Variants in DYM observed in about 807,000 individuals in gnomAD.
DYM encodes the protein dymeclin.
A neutral mutation model predicts 93.1 loss-of-function variants in DYM; 78 were observed. That is an observed-to-expected ratio of 0.84 (90% confidence interval 0.70 to 1.01). DYM has a LOEUF of 1.01. Among genes scored for constraint, DYM ranks in the 50% least tolerant of loss-of-function variants. The probability of loss-of-function intolerance (pLI) is 0.00; values close to 1 mark genes in which losing one functional copy is unlikely to be tolerated. For synonymous variants in DYM, 321 were observed against 319.7 expected, an observed-to-expected ratio of 1.00 and a Z score of -0.04; for missense variants, 789 against 845.0, an observed-to-expected ratio of 0.93 and a Z score of 0.82.
intron 8 of DYM, among the ~76,000 whole-genome samples, chr18:49,305,144 C>T (rs2061199740): frequency 6.6e-6 from 1 of 152,136 alleles, no homozygotes; most frequent in Admixed American, 6.6e-5. Context: ...AACTAGGATT[C>T]TGAAGTTCAG....
intron 14 of DYM, among the ~76,000 whole-genome samples, chr18:49,188,249 T>C (rs74963026): frequency 0.029 from 4,452 of 152,280 alleles, 212 homozygotes; most frequent in African/African-American, 0.1. Flanking sequence ...CTGACTTGGT[T>C]TCATTTAAAG....
intron 14 of DYM, among the ~76,000 whole-genome samples, chr18:49,190,932 A>G (rs904563147): frequency 2.0e-5 from 3 of 152,220 alleles, no homozygotes; most frequent in Non-Finnish European, 4.4e-5. Flanking sequence ...ATAAAACATA[A>G]AACATACAAA....
intron 13 of DYM, among the ~76,000 whole-genome samples, chr18:49,235,494 C>G (rs965064553): frequency 1.3e-5 from 2 of 152,002 alleles, no homozygotes; most frequent in African/African-American, 2.4e-5. Flanking sequence ...ATAAGTTAAA[C>G]AGACTTTAAT....
intron 15 of DYM, among the ~76,000 whole-genome samples, chr18:49,133,345 C>T (rs922713103): frequency 6.6e-6 from 1 of 152,168 alleles, no homozygotes; most frequent in Non-Finnish European, 1.5e-5. Context: ...TTTTCATCAT[C>T]CCTGAATTTG....
chr18:49,453,407 CTT>C (rs919613006), intron 1 of DYM, among the ~76,000 whole-genome samples: 1 of 152,198 alleles, frequency 6.6e-6, no homozygotes, highest in African/African-American at 2.4e-5. Context: ...GCTGCTCACT[CTT>C]TGGGTCCACA....
intron 15 of DYM, among the ~76,000 whole-genome samples, chr18:49,129,833 C>T (rs1485261452): frequency 3.3e-5 from 5 of 152,046 alleles, no homozygotes; most frequent in African/African-American, 4.8e-5. Flanking sequence ...GGCAGCAAAC[C>T]CTCTTGGCCT....
chr18:49,440,894 TA>T lies in DYM; in HGVS notation c.-53-10448del, dbSNP rs1400446070. Among the ~76,000 whole-genome samples the T allele has an allele frequency of 3.2e-3, 74 of 22,826 alleles. 21 individuals carry two copies. The highest frequency in any genetic ancestry group is 0.083 in the Middle Eastern group (1 of 12). The allele number at this position is 22,826 out of a possible 152,430, so 15.0% of individuals were successfully genotyped here. A position where few individuals can be genotyped will look rare whatever the true frequency, so the allele number is the denominator to read the frequency against. On this transcript the variant is annotated intron_variant, in intron 1 of 17. Coordinates refer to ENST00000675505, the MANE Select transcript of DYM (RefSeq NM_001353214.3). ...TATAATATATATTATATATATAATA[TA>T]TTTATATAAATATATTATATTTTAT...
chr18:49,441,247 T>TGG (rs2081526869), intron 1 of DYM, among the ~76,000 whole-genome samples: 1 of 43,402 alleles, frequency 2.3e-5, no homozygotes. Flanking sequence ...ATATACATAA[T>TGG]ATTGTTATAT....
intron 14 of DYM, among the ~76,000 whole-genome samples, chr18:49,198,275 A>G (rs367649805): frequency 6.6e-6 from 1 of 152,140 alleles, no homozygotes; most frequent in African/African-American, 2.4e-5. Context: ...AACCATAAAA[A>G]CCCTAGAAGA....
intron 5 of DYM, among the ~76,000 whole-genome samples, chr18:49,365,558 GGTAT>G (rs372007007): frequency 2.0e-5 from 3 of 152,118 alleles, no homozygotes; most frequent in African/African-American, 7.2e-5. Context: ...TTGATTTGTT[GGTAT>G]GTAATATATA....
intron 14 of DYM, among the ~76,000 whole-genome samples, chr18:49,174,204 C>G (rs570412904): frequency 1.1e-4 from 15 of 141,976 alleles, no homozygotes; most frequent in African/African-American, 3.9e-4. Context: ...TAGGATGGGT[C>G]CCAATGGTAT....
intron 17 of DYM, among the ~76,000 whole-genome samples, chr18:49,086,512 T>C (rs1030314342): frequency 2.0e-4 from 31 of 152,124 alleles, no homozygotes; most frequent in African/African-American, 7.5e-4. Flanking sequence ...TCAACATACG[T>C]TTGGAGGGGA....
chr18:49,320,026 A>T (rs543039796), intron 8 of DYM, among the ~76,000 whole-genome samples: 2 of 152,314 alleles, frequency 1.3e-5, no homozygotes, highest in East Asian at 3.9e-4. Flanking sequence ...ATAATCCTAT[A>T]AAGCATCATC....
intron 17 of DYM, among the ~76,000 whole-genome samples, chr18:49,094,240 A>G (rs2086678935): frequency 6.6e-6 from 1 of 152,198 alleles, no homozygotes; most frequent in South Asian, 2.1e-4. Context: ...GTGGTATGAG[A>G]ACACGCACGG....
chr18:49,220,373 A>C (rs1324329247), intron 13 of DYM, among the ~76,000 whole-genome samples: 1 of 149,580 alleles, frequency 6.7e-6, no homozygotes, highest in East Asian at 2.0e-4. Flanking sequence ...CAAGCTACCA[A>C]TGACTTTCTT....
At chr18:49,371,653 C>T (rs962335647) in intron 5 of DYM, among the ~76,000 whole-genome samples, 2 of 151,988 alleles carry the variant, frequency 1.3e-5, no homozygotes, top group African/African-American at 4.8e-5. Flanking sequence ...TAATACCAAG[C>T]CAGAGGAAAG....
At position 49,043,880 on chromosome 18, in the gene DYM, A is replaced by G. The variant is rs1243196001; in HGVS notation, c.*175T>C. 2.7e-6 allele frequency: 2 copies of G among 741,288 alleles called. No individual in the cohort carries two copies. Among genetic ancestry groups the G allele is most frequent in the Non-Finnish European group, 4.5e-6 (2 of 441,048 alleles). The allele number at this position is 741,288 out of a possible 1,614,324, so 45.9% of individuals were successfully genotyped here. ...CAATACTATCTACGCTGAGTTATCTATTGCCAACTAGCACCAATTCTCCAA... is the reference window on the plus strand; with the variant it reads ...CAATACTATCTACGCTGAGTTATCTGTTGCCAACTAGCACCAATTCTCCAA... On this transcript the variant is annotated 3_prime_UTR_variant, in exon 18 of 18. Coordinates refer to ENST00000675505, the MANE Select transcript of DYM (RefSeq NM_001353214.3).
intron 6 of DYM, among the ~76,000 whole-genome samples, chr18:49,344,536 A>G (rs1451582282): frequency 6.6e-6 from 1 of 152,226 alleles, no homozygotes; most frequent in Non-Finnish European, 1.5e-5. Flanking sequence ...TTTTGATCTG[A>G]TGATGATTGA....
intron 13 of DYM, among the ~76,000 whole-genome samples, chr18:49,214,129 G>C (rs2092921249): frequency 6.6e-6 from 1 of 152,156 alleles, no homozygotes; most frequent in South Asian, 2.1e-4. Context: ...AAGATACATG[G>C]ATTCTGCTCT....
Sources: gnomAD v4.1 joint callset for allele counts (sites outside exome capture counted in the v4.1 genomes callset) on GRCh38, gnomAD v4.1.1 for gene constraint, MANE v1.5 for transcripts, NCBI Gene and HGNC (gene_info 2026-07-23, HGNC 2026-07-21) for gene names.